GALNTL6: variants seen among roughly 807,000 people sequenced by gnomAD.
GALNTL6 encodes the protein polypeptide N-acetylgalactosaminyltransferase like 6.
In GALNTL6, 46 loss-of-function variants were observed where a neutral mutation model predicts 73.7. That is an observed-to-expected ratio of 0.62 (90% CI 0.49 to 0.80). The LOEUF (loss-of-function observed/expected upper bound fraction) is 0.80. Ranked by LOEUF, GALNTL6 falls within the 30% of genes least tolerant of loss-of-function variation. GALNTL6 has a pLI of 0.00. For synonymous variants in GALNTL6, 259 were observed against 263.7 expected (o/e 0.98, Z 0.17); for missense variants, 604 against 755.0 (o/e 0.80, Z 2.34).
rs577582924 is a variant in GALNTL6 at position 172,533,113 on chromosome 4, G to A, written c.553+184424G>A. Among the ~76,000 whole-genome samples the A allele has an allele frequency of 2.7e-5, 4 of 150,470 alleles. No individual in the cohort carries two copies. In the South Asian group the frequency reaches 6.3e-4, roughly 24 times the overall value. ...CACAACCTCCACCTCCTGGGTTCAAGCAATTCTCCTGCCTCAGCCTCCTGA... is the reference window on the plus strand; with the variant it reads ...CACAACCTCCACCTCCTGGGTTCAAACAATTCTCCTGCCTCAGCCTCCTGA... On this transcript the variant is annotated intron_variant, in intron 5 of 12. Transcript: ENST00000506823.
intron 5 of GALNTL6, among the ~76,000 whole-genome samples, chr4:172,635,035 T>A (rs529268027): frequency 6.6e-6 from 1 of 152,182 alleles, no homozygotes. Flanking sequence ...TGTGTCATAA[T>A]TGAGGACTGC....
chr4:172,130,838 A>G (rs1733469204), intron 2 of GALNTL6, among the ~76,000 whole-genome samples: 1 of 152,088 alleles, frequency 6.6e-6, no homozygotes, highest in Admixed American at 6.5e-5. Flanking sequence ...ATTTTTAAAA[A>G]TGGAGGGAAT....
rs1283313454 is a variant in GALNTL6 at position 171,982,397 on chromosome 4, ACG to A, written c.138+167680_138+167681del. 6.3e-3 allele frequency among the ~76,000 whole-genome samples: 955 copies of A among 152,158 alleles called. 15 individuals carry two copies. Among genetic ancestry groups the A allele is most frequent in the African/African-American group, 0.022 (917 of 41,516 alleles). On this transcript the variant is annotated intron_variant, in intron 2 of 12. Coordinates refer to ENST00000506823, the MANE Select transcript of GALNTL6 (RefSeq NM_001034845.3). The stretch of plus-strand genomic sequence containing the variant: ...ACTGCAAGCTCTGCCTCCTGGGTTC[ACG>A]TCATTCTCCTGCTTCAGCCTCCCCA...
intron 7 of GALNTL6, among the ~76,000 whole-genome samples, chr4:172,871,077 A>G (rs1744906485): frequency 6.6e-6 from 1 of 152,126 alleles, no homozygotes; most frequent in African/African-American, 2.4e-5. Context: ...TTTTTTAAGT[A>G]AGGGGGTAGC....
chr4:171,983,324 T>C (rs1325825654), intron 2 of GALNTL6, among the ~76,000 whole-genome samples: 2 of 152,148 alleles, frequency 1.3e-5, no homozygotes, highest in Non-Finnish European at 2.9e-5. Flanking sequence ...CCAGAACTAG[T>C]TTGCTCTATT....
intron 5 of GALNTL6, among the ~76,000 whole-genome samples, chr4:172,658,328 G>A (rs1190273627): frequency 2.7e-5 from 4 of 149,638 alleles, no homozygotes; most frequent in South Asian, 2.1e-4. Flanking sequence ...TTAGCCGGGC[G>A]TGGTGGCGGA....
At chr4:173,001,560 A>G (rs1013965298) in intron 10 of GALNTL6, among the ~76,000 whole-genome samples, 1 of 152,234 alleles carries the variant, frequency 6.6e-6, no homozygotes, top group African/African-American at 2.4e-5. Context: ...CAAAGGCACA[A>G]TTGACAGAAT....
chr4:172,752,885 C>T (rs181052261), intron 5 of GALNTL6, among the ~76,000 whole-genome samples: 41 of 152,064 alleles, frequency 2.7e-4, no homozygotes, highest in Admixed American at 2.7e-3. Context: ...TTATTTTTTT[C>T]TGTGAAGATA....
Position 172,931,248 on chromosome 4 carries a change from T to C in GALNTL6, c.1129T>C (p.Ser377Pro), listed in dbSNP as rs1411151466. ...YRKYVPYKVPSGTSLARNLKR... is the reference protein window; with the variant it reads ...YRKYVPYKVPPGTSLARNLKR... ...GAAGTACGTTCCATACAAAGTTCCA[T>C]CTGGGACAAGCCTGGCAAGAGTGAG... The change falls in exon 9 of 13, where the codon TCT becomes CCT. Residue 377 changes from serine (S) to proline (P), a missense_variant. Ser to Pro is a moderately conservative substitution (Grantham distance 74, BLOSUM62 -1). Around this residue, in one of 5 missense-constraint regions of GALNTL6, gnomAD observed 261 missense variants for 296.5 expected, o/e 0.88. Coordinates refer to ENST00000506823, the MANE Select transcript of GALNTL6 (RefSeq NM_001034845.3). 3 of 1,604,358 alleles carry C rather than the reference T, an allele frequency of 1.9e-6. No homozygotes were observed. The highest frequency in any genetic ancestry group is 1.7e-5 in the Admixed American group (1 of 59,982).
intron 2 of GALNTL6, among the ~76,000 whole-genome samples, chr4:172,107,530 C>T (rs569023218): frequency 1.3e-5 from 2 of 151,874 alleles, no homozygotes; most frequent in African/African-American, 4.8e-5. Context: ...TTTGTAGGGA[C>T]ATGGATGAAG....
chr4:172,182,112 G>T (rs896620587), intron 2 of GALNTL6, among the ~76,000 whole-genome samples: 4 of 152,128 alleles, frequency 2.6e-5, no homozygotes, highest in Non-Finnish European at 5.9e-5. Context: ...CTATACACCA[G>T]TAATAGACAA....
At position 172,710,322 on chromosome 4, in the gene GALNTL6, C is replaced by T. The variant is rs1734625905; in HGVS notation, c.554-99039C>T. 2.6e-5 allele frequency among the ~76,000 whole-genome samples: 4 copies of T among 152,080 alleles called. No homozygotes were observed. In the South Asian group the frequency reaches 8.3e-4, roughly 31 times the overall value. On this transcript the variant is annotated intron_variant, in intron 5 of 12. Transcript: ENST00000506823. Reference sequence around the variant, plus strand: ...GAAAGCAAAGATGTGTTAAAACACACACACACAAGCATAAGGATTTTCATT... The same window carrying T: ...GAAAGCAAAGATGTGTTAAAACACATACACACAAGCATAAGGATTTTCATT...
At position 172,931,226 on chromosome 4, in the gene GALNTL6, G is replaced by A; in HGVS notation, c.1107G>A (p.Lys369=). The A allele has an allele frequency of 6.2e-7, 1 of 1,612,156 alleles. No individual in the cohort carries two copies. Among genetic ancestry groups the A allele is most frequent in the Non-Finnish European group, 8.5e-7 (1 of 1,178,218 alleles). ...CTAGAGTTGGTCATATCTACAGGAA[G>A]TACGTTCCATACAAAGTTCCATCTG... ...PCSRVGHIYR[K]YVPYKVPSGT... Residue 369 remains lysine, a synonymous_variant, in exon 9 of 13, where the codon AAG becomes AAA. Transcript: ENST00000506823.
chr4:172,356,201 T>C (rs912967147), intron 5 of GALNTL6, among the ~76,000 whole-genome samples: 1 of 152,200 alleles, frequency 6.6e-6, no homozygotes, highest in African/African-American at 2.4e-5. Flanking sequence ...TTAAATCCCA[T>C]TTATTTTTCT....
intron 5 of GALNTL6, among the ~76,000 whole-genome samples, chr4:172,757,101 A>G (rs1244534839): frequency 2.6e-5 from 4 of 152,210 alleles, no homozygotes; most frequent in Non-Finnish European, 5.9e-5. Flanking sequence ...TATGAATAAT[A>G]ATAAATTGAT....
intron 7 of GALNTL6, among the ~76,000 whole-genome samples, chr4:172,876,514 G>C (rs1157464823): frequency 6.6e-6 from 1 of 152,096 alleles, no homozygotes; most frequent in Non-Finnish European, 1.5e-5. Flanking sequence ...AGTAAATCCA[G>C]TTACGCATTG....
intron 3 of GALNTL6, among the ~76,000 whole-genome samples, chr4:172,259,938 G>A (rs1277254503): frequency 6.6e-6 from 1 of 151,562 alleles, no homozygotes; most frequent in Non-Finnish European, 1.5e-5. Context: ...GTTTATTTCT[G>A]GGTTCTTTAT....
chr4:172,893,192 A>G (rs898836261), intron 8 of GALNTL6, among the ~76,000 whole-genome samples: 1 of 152,128 alleles, frequency 6.6e-6, no homozygotes, highest in Non-Finnish European at 1.5e-5. Context: ...GGGCAGTTCC[A>G]GGTGTTCCAC....
intron 5 of GALNTL6, among the ~76,000 whole-genome samples, chr4:172,681,703 C>G (rs554417428): frequency 6.6e-6 from 1 of 152,202 alleles, no homozygotes; most frequent in East Asian, 1.9e-4. Context: ...AGCATGAAGT[C>G]ATGGTTGTGA....
Sources: allele counts gnomAD v4.1 joint callset (sites outside exome capture counted in the v4.1 genomes callset), GRCh38; gene constraint gnomAD v4.1.1; regional missense constraint gnomAD v4.1.1; transcripts MANE v1.5; gene names NCBI Gene and HGNC (gene_info 2026-07-23, HGNC 2026-07-21).